Variants in AXIN1 observed in about 807,000 individuals in gnomAD.
AXIN1 encodes axin 1.
Under a neutral mutation model 76.4 loss-of-function variants are expected in AXIN1, and 30 were observed. The ratio of observed to expected loss-of-function variants is 0.39; its 90% CI spans 0.29 to 0.53. The LOEUF (loss-of-function observed/expected upper bound fraction) is 0.53, where lower values mean the gene tolerates loss of function less well. Among genes scored for constraint, AXIN1 ranks in the 20% least tolerant of loss-of-function variants. The pLI is 0.66. For missense variants in AXIN1, 1,140 were observed against 1,198.8 expected (o/e 0.95, Z 0.72); for synonymous variants, 545 against 501.4 (o/e 1.09, Z -1.16).
At chr16:323,390 G>T (rs1411568088) in intron 2 of AXIN1, among the ~76,000 whole-genome samples, 4 of 140,356 alleles carry the variant, frequency 2.8e-5, no homozygotes, top group African/African-American at 1.1e-4. Context: ...AGTGAGCCGA[G>T]ATCGCGCCAC....
intron 10 of AXIN1, 192 bp from the exon 11 acceptor site, chr16:288,440 C>A (rs2052451110): frequency 1.2e-6 from 1 of 814,080 alleles, no homozygotes; most frequent in South Asian, 1.6e-5. Flanking sequence ...GTGAAGTGGG[C>A]AGCCATGGGG....
At position 314,528 on chromosome 16, in the gene AXIN1, C is replaced by A. The variant is rs557677007; in HGVS notation, c.1019+15G>T. 1.2e-6 allele frequency: 2 copies of A among 1,613,048 alleles called. No individual in the cohort carries two copies. The highest frequency in any genetic ancestry group is 1.7e-6 in the Non-Finnish European group (2 of 1,179,770). On this transcript the variant is annotated intron_variant, in intron 3 of 10. Coordinates refer to ENST00000262320, the MANE Select transcript of AXIN1 (RefSeq NM_003502.4). ...TGCTGTCCGTGAGGGACTGGGTATC[C>A]GGGGCGGGACTTACACGCTGCTGTC...
At chr16:323,083 T>C (rs1472285093) in intron 2 of AXIN1, among the ~76,000 whole-genome samples, 1 of 151,540 alleles carries the variant, frequency 6.6e-6, no homozygotes, top group Non-Finnish European at 1.5e-5. Flanking sequence ...AGCCCAGGAG[T>C]TCGAGACCAG....
intron 9 of AXIN1, chr16:290,197 C>A (rs889624942): frequency 6.1e-6 from 1 of 164,256 alleles, no homozygotes; most frequent in Admixed American, 5.7e-5. Flanking sequence ...CTCGCACCCC[C>A]CACTCGGCTA....
Position 310,084 on chromosome 16 carries a change from G to T in AXIN1, c.1020-15C>A. ...GGATCCCATCCCTGTCCAGGAGAAAGAGGCAGCCGTTAACTCAGAGAGGAG... is the reference window on the plus strand; with the variant it reads ...GGATCCCATCCCTGTCCAGGAGAAATAGGCAGCCGTTAACTCAGAGAGGAG... On this transcript the variant is annotated splice_polypyrimidine_tract_variant and intron_variant, in intron 3 of 10. Coordinates refer to ENST00000262320, the MANE Select transcript of AXIN1 (RefSeq NM_003502.4). 6.2e-7 allele frequency: 1 copy of T among 1,600,148 alleles called. No individual in the cohort carries two copies. The highest frequency in any genetic ancestry group is 8.5e-7 in the Non-Finnish European group (1 of 1,173,918).
intron 2 of AXIN1, 136 bp from the exon 3 acceptor site, chr16:314,819 GA>G: frequency 7.5e-7 from 1 of 1,324,712 alleles, no homozygotes; most frequent in Non-Finnish European, 1.0e-6. Flanking sequence ...AAGGAGCATG[GA>G]GAAAAGACCA....
chr16:307,955 G>T (rs1212772824), intron 4 of AXIN1, among the ~76,000 whole-genome samples: 4 of 152,244 alleles, frequency 2.6e-5, no homozygotes, highest in African/African-American at 9.6e-5. Context: ...GCCTCTGGCT[G>T]AGGGACCTCC....
chr16:290,857 C>T (rs1414497239), intron 9 of AXIN1: 5 of 436,216 alleles, frequency 1.1e-5, no homozygotes, highest in South Asian at 8.3e-5. Flanking sequence ...CCGGCCCGTT[C>T]CAAGCCGGGT....
At chr16:316,590 T>G (rs2053306556) in intron 2 of AXIN1, among the ~76,000 whole-genome samples, 1 of 152,194 alleles carries the variant, frequency 6.6e-6, no homozygotes, top group Non-Finnish European at 1.5e-5. Flanking sequence ...TGAAACTAGG[T>G]GCGCACAGAG....
intron 3 of AXIN1, among the ~76,000 whole-genome samples, chr16:310,956 C>T (rs941370975): frequency 1.3e-5 from 2 of 152,266 alleles, no homozygotes; most frequent in Admixed American, 1.3e-4. Flanking sequence ...GCTGCACACT[C>T]TGCTTCTCTC....
intron 7 of AXIN1, among the ~76,000 whole-genome samples, chr16:294,109 C>T (rs373269477): frequency 6.6e-6 from 1 of 152,032 alleles, no homozygotes; most frequent in South Asian, 2.1e-4. Context: ...TACAGTGAGC[C>T]GGGATCACGC....
At chr16:304,723 T>G (rs1182315593) in intron 4 of AXIN1, among the ~76,000 whole-genome samples, 1 of 152,038 alleles carries the variant, frequency 6.6e-6, no homozygotes, top group Non-Finnish European at 1.5e-5. Flanking sequence ...TTAGTAGGGA[T>G]GGGGTTTCGT....
intron 2 of AXIN1, among the ~76,000 whole-genome samples, chr16:326,060 T>C (rs779463924): frequency 6.6e-6 from 1 of 151,912 alleles, no homozygotes; most frequent in Non-Finnish European, 1.5e-5. Context: ...TTATATACTA[T>C]ATATATAACA....
At chr16:337,335 C>T (rs2141673365) in intron 2 of AXIN1, among the ~76,000 whole-genome samples, 1 of 151,572 alleles carries the variant, frequency 6.6e-6, no homozygotes, top group East Asian at 1.9e-4. Flanking sequence ...ATTAAAAGCC[C>T]ACATATCCAA....
chr16:341,122 G>A (rs951605357), intron 2 of AXIN1, among the ~76,000 whole-genome samples: 2 of 152,386 alleles, frequency 1.3e-5, no homozygotes, highest in East Asian at 1.9e-4. Context: ...CACAGCCCTC[G>A]CTCGCTCTCA....
intron 2 of AXIN1, among the ~76,000 whole-genome samples, chr16:320,839 AAT>A (rs1597064775): frequency 1.3e-5 from 2 of 150,284 alleles, no homozygotes; most frequent in African/African-American, 2.5e-5. Flanking sequence ...TCCTGGGTTC[AAT>A]CGATTCTCCT....
intron 6 of AXIN1, 97 bp from the exon 7 acceptor site, chr16:297,323 C>T (rs1253963418): frequency 3.9e-6 from 6 of 1,532,164 alleles, no homozygotes; most frequent in Non-Finnish European, 5.3e-6. Flanking sequence ...CTGTAAGGCT[C>T]CCGTGGTGCA....
Position 346,834 on chromosome 16 carries a change from C to T in AXIN1, c.192G>A (p.Ser64=), listed in dbSNP as rs779104449. 2.3e-5 allele frequency: 37 copies of T among 1,613,394 alleles called. No homozygotes were observed. Among genetic ancestry groups the T allele is most frequent in the Admixed American group, 3.3e-5 (2 of 59,992 alleles). The change falls in exon 2 of 11, where the codon TCG becomes TCA. Residue 64 remains serine, a synonymous_variant. Coordinates refer to ENST00000262320, the MANE Select transcript of AXIN1 (RefSeq NM_003502.4). ...CAGGCTCATACCCCAGGTCCAGATCCGAGCGCCTCGGAGTGGCCGTCGAAG... is the reference window on the plus strand; with the variant it reads ...CAGGCTCATACCCCAGGTCCAGATCTGAGCGCCTCGGAGTGGCCGTCGAAG... ...GETSTATPRR[S]DLDLGYEPEG...
At chr16:342,293 C>T (rs1010250329) in intron 2 of AXIN1, among the ~76,000 whole-genome samples, 8 of 152,288 alleles carry the variant, frequency 5.3e-5, no homozygotes, top group Admixed American at 6.5e-5. Flanking sequence ...GAACAAACTC[C>T]GGACAGGCCG....
Sources: gnomAD v4.1 joint callset for allele counts (sites outside exome capture counted in the v4.1 genomes callset) on GRCh38, gnomAD v4.1.1 for gene constraint, MANE v1.5 for transcripts, NCBI Gene and HGNC (gene_info 2026-07-23, HGNC 2026-07-21) for gene names.